CHD5: variants seen among roughly 807,000 people sequenced by gnomAD.
CHD5 encodes the protein chromodomain helicase DNA binding protein 5.
CHD5 carries 69 observed loss-of-function variants against 230.3 expected under a neutral mutation model. The ratio of observed to expected loss-of-function variants is 0.30; its 90% confidence interval spans 0.25 to 0.37. The LOEUF (loss-of-function observed/expected upper bound fraction) is 0.37. CHD5 is among the 10% of genes least tolerant of loss of function. CHD5 has a pLI of 1.00. For missense variants in CHD5, 1,827 were observed against 2,622.8 expected, an observed-to-expected ratio of 0.70 and a Z score of 6.63; for synonymous variants, 1,064 against 1,065.9, an observed-to-expected ratio of 1.00 and a Z score of 0.03.
At chr1:6,111,706 A>C in intron 36 of CHD5, 69 bp downstream of exon 36, 2 of 1,243,600 alleles carry the variant, frequency 1.6e-6, no homozygotes, top group Non-Finnish European at 2.4e-6. Context: ...CGGAGCTCTC[A>C]GAGGGCTCTC....
At chr1:6,169,431 T>G (rs1355727518) in intron 1 of CHD5, among the ~76,000 whole-genome samples, 1 of 152,190 alleles carries the variant, frequency 6.6e-6, no homozygotes, top group Non-Finnish European at 1.5e-5. Flanking sequence ...TTGACGACAC[T>G]GGCCACAGTC....
In CHD5 at chr1:6,121,582, T is replaced by C; in HGVS notation, c.4700-9A>G. 1.2e-6 allele frequency: 2 copies of C among 1,608,946 alleles called. No homozygotes were observed. On this transcript the variant is annotated splice_polypyrimidine_tract_variant and intron_variant, in intron 31 of 41. Transcript: ENST00000262450. This position sits in a 1 kb window ranked among gnomAD's most constrained non-coding sequence, Gnocchi z 4.5. Reference sequence around the variant, plus strand: ...CTGGGCTTCCATTTTGTCTGAAAGATCAAGGGAAAGAGCTGAGACAGGTGG... The same window carrying C: ...CTGGGCTTCCATTTTGTCTGAAAGACCAAGGGAAAGAGCTGAGACAGGTGG...
Position 6,130,606 on chromosome 1 carries a change from A to G in CHD5, c.3263-278T>C, listed in dbSNP as rs1666639807. Among the ~76,000 whole-genome samples the G allele has an allele frequency of 6.6e-6, 1 of 152,134 alleles. No individual in the cohort carries two copies. The highest frequency in any genetic ancestry group is 2.4e-5 in the African/African-American group (1 of 41,412). ...GTCAATTTTCAAACCCCAGATGAGC[A>G]AAAAACAAAGTGCAAGCCGCCAGCA... On this transcript the variant is annotated intron_variant, in intron 21 of 41. Coordinates refer to ENST00000262450, the MANE Select transcript of CHD5 (RefSeq NM_015557.3). This position sits in a 1 kb window ranked among gnomAD's most constrained non-coding sequence, Gnocchi z 4.9.
chr1:6,109,130 C>T (rs1021600526), intron 38 of CHD5, among the ~76,000 whole-genome samples: 2 of 152,072 alleles, frequency 1.3e-5, no homozygotes, highest in African/African-American at 4.8e-5. Flanking sequence ...GGCAAGGGCC[C>T]ACGGGCTGCA....
In CHD5 at chr1:6,125,950, T is replaced by C; in HGVS notation, c.4079-92A>G. ...CATGCCCAGGGCCACGCCGAGCCCC[T>C]GCACCCCAGCTCCATAAAAAAGCAG... On this transcript the variant is annotated intron_variant, in intron 26 of 41. Coordinates refer to ENST00000262450, the MANE Select transcript of CHD5 (RefSeq NM_015557.3). This position sits in a 1 kb window ranked among gnomAD's most constrained non-coding sequence, Gnocchi z 6.7. 1.1e-6 allele frequency: 1 copy of C among 880,394 alleles called. No individual in the cohort carries two copies. Among genetic ancestry groups the C allele is most frequent in the South Asian group, 1.4e-5 (1 of 71,700 alleles). 54.5% of individuals were successfully genotyped at this position (880,394 alleles called of 1,614,324 possible).
intron 1 of CHD5, 136 bp from the exon 2 acceptor site, chr1:6,168,413 C>G: frequency 9.7e-7 from 1 of 1,031,330 alleles, no homozygotes; most frequent in South Asian, 1.9e-5. Context: ...CTGCCCTCCC[C>G]AAACCCAGTG....
chr1:6,125,392 A>T lies in CHD5; in HGVS notation c.4260+132T>A. 8.0e-7 allele frequency: 1 copy of T among 1,254,620 alleles called. No individual in the cohort carries two copies. The highest frequency in any genetic ancestry group is 1.4e-5 in the South Asian group (1 of 70,130). The allele number at this position is 1,254,620 out of a possible 1,614,324, so 77.7% of individuals were successfully genotyped here. A position where few individuals can be genotyped will look rare whatever the true frequency, so the allele number is the denominator to read the frequency against. ...CTGGGGCAGGACCCTGACGGCGAAG[A>T]CCAGACCAAGTTCTGTCCAAGCTCC... On this transcript the variant is annotated intron_variant, in intron 28 of 41. Transcript: ENST00000262450. This position sits in a 1 kb window ranked among gnomAD's most constrained non-coding sequence, Gnocchi z 6.7.
At chr1:6,133,152 T>A (rs963696561) in intron 20 of CHD5, among the ~76,000 whole-genome samples, 11 of 152,350 alleles carry the variant, frequency 7.2e-5, no homozygotes, top group Admixed American at 2.6e-4. Flanking sequence ...TAGGCTCATT[T>A]TGGGCAGGAG....
intron 33 of CHD5, among the ~76,000 whole-genome samples, chr1:6,117,330 C>G (rs1250374271): frequency 6.6e-6 from 1 of 151,842 alleles, no homozygotes; most frequent in Admixed American, 6.6e-5. Context: ...AAAGATAGAC[C>G]TAAAACATTA....
chr1:6,175,260 G>GTGGATGGA (rs150588853), intron 1 of CHD5, among the ~76,000 whole-genome samples: 13 of 144,842 alleles, frequency 9.0e-5, no homozygotes, highest in Admixed American at 5.4e-4. Context: ...TGGATGGTGG[G>GTGGATGGA]TGGATGGATG....
At position 6,106,477 on chromosome 1, in the gene CHD5, G is replaced by C. The variant is rs749040881; in HGVS notation, c.5775C>G (p.Asn1925Lys). The stretch of plus-strand genomic sequence containing the variant: ...GGCCCCGGAAGTTGGGCCCAAAGTT[G>C]TTGCTGTACATCTGGGAGGAGCCGA... ...GAFGSSQMYS[N>K]NFGPNFRGPG... The change falls in exon 40 of 42, where the codon AAC becomes AAG. Residue 1925 changes from asparagine to lysine, a missense_variant. Asn to Lys is a moderately conservative substitution (Grantham distance 94). Around this residue, in one of 14 missense-constraint regions of CHD5, gnomAD observed 208 missense variants for 302.0 expected, o/e 0.69. Transcript: ENST00000262450. 7.7e-6 allele frequency: 12 copies of C among 1,556,708 alleles called. No homozygotes were observed. The highest frequency in any genetic ancestry group is 7.8e-6 in the Non-Finnish European group (9 of 1,150,450).
chr1:6,110,301 G>A, intron 37 of CHD5, 93 bp downstream of exon 37: 5 of 1,434,308 alleles, frequency 3.5e-6, no homozygotes, highest in Non-Finnish European at 4.8e-6. Flanking sequence ...CACGGGGAGG[G>A]GTTGCTGCTC....
intron 7 of CHD5, 75 bp from the exon 8 acceptor site, chr1:6,149,487 C>A: frequency 6.8e-7 from 1 of 1,468,008 alleles, no homozygotes; most frequent in Admixed American, 1.9e-5. Context: ...TCGCCCCAGG[C>A]CAGACAGGCA....
At position 6,130,363 on chromosome 1, in the gene CHD5, G is replaced by T. The variant is rs375045459; in HGVS notation, c.3263-35C>A. On this transcript the variant is annotated intron_variant, in intron 21 of 41. Transcript: ENST00000262450. This position sits in a 1 kb window ranked among gnomAD's most constrained non-coding sequence, Gnocchi z 4.9. ...AGAGGCCAGCAGATGGGAGTGTTTG[G>T]GGGGGTACACCTTGGGTGGGCAGAA... 236 of 1,608,298 alleles carry T rather than the reference G, an allele frequency of 1.5e-4. 5 individuals are homozygous for T. In the South Asian group the frequency reaches 2.1e-3, roughly 14 times the overall value.
intron 33 of CHD5, among the ~76,000 whole-genome samples, chr1:6,119,754 C>T (rs374841681): frequency 6.7e-6 from 1 of 150,316 alleles, no homozygotes; most frequent in South Asian, 2.1e-4. Flanking sequence ...TATGTACGTA[C>T]ATACGTGCGT....
chr1:6,141,510 G>A (rs927900359), intron 15 of CHD5, among the ~76,000 whole-genome samples: 1 of 150,170 alleles, frequency 6.7e-6, no homozygotes. Flanking sequence ...AGCTACTCAC[G>A]AGGCTGAGGT....
intron 17 of CHD5, 72 bp downstream of exon 17, chr1:6,136,445 G>A (rs1666747871): frequency 1.9e-6 from 3 of 1,556,330 alleles, no homozygotes; most frequent in Admixed American, 1.8e-5. Flanking sequence ...AGCCAGGATG[G>A]GCTATTGATC....
chr1:6,126,527 C>G lies in CHD5; in HGVS notation c.4078+45G>C. On this transcript the variant is annotated intron_variant, in intron 26 of 41. Transcript: ENST00000262450. The surrounding 1 kb of genome is among the most constrained non-coding windows in gnomAD (Gnocchi z 5.7). ...CCCTGACAGAATCCTGCCCCACCCTCCGCCTCTGGGTGAGGGGCACCAGTC... is the reference window on the plus strand; with the variant it reads ...CCCTGACAGAATCCTGCCCCACCCTGCGCCTCTGGGTGAGGGGCACCAGTC... 1 of 1,596,206 alleles carries G rather than the reference C, an allele frequency of 6.3e-7. No individual in the cohort carries two copies. Among genetic ancestry groups the G allele is most frequent in the East Asian group, 2.2e-5 (1 of 44,804 alleles).
At chr1:6,139,695 T>A (rs573272948) in intron 15 of CHD5, among the ~76,000 whole-genome samples, 38 of 152,152 alleles carry the variant, frequency 2.5e-4, no homozygotes, top group Non-Finnish European at 4.4e-4. Flanking sequence ...GGACTACAGG[T>A]GCACACCACT....
Sources: gnomAD v4.1 joint callset for allele counts (sites outside exome capture counted in the v4.1 genomes callset) on GRCh38, gnomAD v4.1.1 for gene constraint, gnomAD v4.1.1 regional missense constraint, Gnocchi (gnomAD v3.1) non-coding constraint, MANE v1.5 for transcripts, NCBI Gene and HGNC (gene_info 2026-07-23, HGNC 2026-07-21) for gene names.